The following IFT122 variants were observed in gnomAD, a reference collection of about 807,000 sequenced individuals.
IFT122 encodes intraflagellar transport 122, also known as intraflagellar transport protein 122 homolog.
In IFT122, 118 loss-of-function variants were observed where a neutral mutation model predicts 161.6. The observed-to-expected ratio is 0.73, with a 90% CI of 0.63 to 0.85. The LOEUF (loss-of-function observed/expected upper bound fraction) is 0.85. Among genes scored for constraint, IFT122 ranks in the 40% least tolerant of loss-of-function variants. The probability of loss-of-function intolerance (pLI) is 0.00; values close to 1 mark genes in which losing one functional copy is unlikely to be tolerated. For missense variants in IFT122, 1,381 were observed against 1,579.6 expected, an observed-to-expected ratio of 0.87 and a Z score of 2.13; for synonymous variants, 550 against 602.4, an observed-to-expected ratio of 0.91 and a Z score of 1.27.
intron 2 of IFT122, 40 bp downstream of exon 2, chr3:129,449,977 A>C (rs1458956045): frequency 7.5e-7 from 1 of 1,326,278 alleles, no homozygotes; most frequent in Admixed American, 1.7e-5. Context: ...GTGCTTCCCT[A>C]ACCTCCCTCT....
At chr3:129,478,335 C>G (rs1179268929) in intron 12 of IFT122, 117 bp downstream of exon 12, 1 of 826,574 alleles carries the variant, frequency 1.2e-6, no homozygotes. Context: ...TCTGTTCCAT[C>G]AAACTAAGTG....
At chr3:129,481,806 G>T in intron 14 of IFT122, 112 bp downstream of exon 14, 1 of 1,153,902 alleles carries the variant, frequency 8.7e-7, no homozygotes, top group South Asian at 1.3e-5. Flanking sequence ...GTCTCTGGGA[G>T]GGGCAGGGGC....
chr3:129,477,183 C>A (rs914094866), intron 11 of IFT122, among the ~76,000 whole-genome samples: 3 of 152,136 alleles, frequency 2.0e-5, no homozygotes, highest in African/African-American at 7.2e-5. Context: ...TGGGGTGCTT[C>A]TCCCTCAGCC....
chr3:129,457,067 G>T (rs561441986), intron 3 of IFT122, among the ~76,000 whole-genome samples: 1 of 152,296 alleles, frequency 6.6e-6, no homozygotes, highest in African/African-American at 2.4e-5. Context: ...TGTGAATAAA[G>T]TCTAAAAGTC....
chr3:129,518,843 C>T (rs1292734996), intron 27 of IFT122, among the ~76,000 whole-genome samples: 5 of 152,226 alleles, frequency 3.3e-5, no homozygotes. Context: ...TGCCTACCCG[C>T]AGTGGCTCAC....
chr3:129,465,453 T>G (rs541238527), intron 7 of IFT122, among the ~76,000 whole-genome samples: 2 of 149,680 alleles, frequency 1.3e-5, no homozygotes, highest in East Asian at 3.9e-4. Context: ...GAGAGTAAAC[T>G]AATTATATGC....
At chr3:129,453,705 G>A (rs2075124929) in intron 3 of IFT122, among the ~76,000 whole-genome samples, 1 of 152,226 alleles carries the variant, frequency 6.6e-6, no homozygotes, top group Admixed American at 6.5e-5. Flanking sequence ...CAGCAATGGA[G>A]AAGTAGTAGG....
At chr3:129,511,414 A>G (rs879388242) in intron 23 of IFT122, among the ~76,000 whole-genome samples, 2 of 152,186 alleles carry the variant, frequency 1.3e-5, no homozygotes, top group Non-Finnish European at 2.9e-5. Flanking sequence ...GTTCAGACCA[A>G]TTAGGGGTTA....
chr3:129,517,403 A>C (rs1578225360), intron 26 of IFT122, 66 bp from the exon 27 acceptor site: 1 of 1,601,412 alleles, frequency 6.2e-7, no homozygotes, highest in Non-Finnish European at 8.5e-7. Context: ...TGGTCACCCC[A>C]CCTGCCTGGC....
chr3:129,502,717 C>A lies in IFT122; in HGVS notation c.2382C>A (p.Ile794=). ...CGDHGWVDML[I]DIARKLDKAE... is the part of the protein sequence containing the mutation. ...CTGCCCCTTCCCTCTCCAGGTTGAT[C>A]GACATCGCCCGCAAACTGGACAAGG... Residue 794 remains isoleucine (I), a synonymous_variant, in exon 20 of 30, where the codon ATC becomes ATA. Coordinates refer to ENST00000348417, the MANE Select transcript of IFT122 (RefSeq NM_052989.3). 6.2e-7 allele frequency: 1 copy of A among 1,607,036 alleles called. No homozygotes were observed. Among genetic ancestry groups the A allele is most frequent in the Non-Finnish European group, 8.5e-7 (1 of 1,179,984 alleles).
intron 18 of IFT122, among the ~76,000 whole-genome samples, chr3:129,499,235 A>G (rs565019473): frequency 4.6e-5 from 7 of 152,218 alleles, no homozygotes; most frequent in Non-Finnish European, 8.8e-5. Flanking sequence ...AACCAGAGAG[A>G]TGTTTGCTTG....
At chr3:129,514,259 C>T (rs1339058314) in intron 24 of IFT122, 130 bp from the exon 25 acceptor site, 2 of 988,576 alleles carry the variant, frequency 2.0e-6, no homozygotes, top group Non-Finnish European at 1.6e-6. Context: ...GAGCCTTCCT[C>T]ACGGTCTTTC....
chr3:129,497,901 C>T (rs1264638698), intron 18 of IFT122, among the ~76,000 whole-genome samples: 9 of 152,146 alleles, frequency 5.9e-5, no homozygotes, highest in East Asian at 1.9e-4. Flanking sequence ...TACATTCCCA[C>T]GTACAAATAA....
rs573382215 is a variant in IFT122 at position 129,520,215 on chromosome 3, C to T, written c.3676C>T (p.His1226Tyr). The change falls in exon 30 of 30, where the codon CAT becomes TAT. Residue 1226 changes from histidine to tyrosine, a missense_variant. Physicochemically the swap from His to Tyr is moderately conservative, Grantham distance 83. Transcript: ENST00000348417. The stretch of plus-strand genomic sequence containing the variant: ...GGACTATGAGTTGCTGGTGCTTCAG[C>T]ATGGCTGCTGCCCCTACTGCCGCAG... The part of the protein sequence containing the change: ...SEDYELLVLQ[H>Y]GCCPYCRRCK... 2.1e-5 allele frequency: 34 copies of T among 1,612,168 alleles called. No homozygotes were observed. Among genetic ancestry groups the T allele is most frequent in the Non-Finnish European group, 2.8e-5 (33 of 1,179,982 alleles).
chr3:129,517,546 G>A lies in IFT122; in HGVS notation c.3343G>A (p.Val1115Met), dbSNP rs557159295. 1.2e-6 allele frequency: 2 copies of A among 1,614,058 alleles called. No homozygotes were observed. The highest frequency in any genetic ancestry group is 2.2e-5 in the East Asian group (1 of 44,848). The change falls in exon 27 of 30, where the codon GTG (valine) becomes ATG (methionine). Residue 1115 changes from valine (V) to methionine (M), a missense_variant. Val to Met is a conservative substitution (Grantham distance 21). Around this residue, in one of 7 missense-constraint regions of IFT122, gnomAD observed 177 missense variants for 199.2 expected, o/e 0.89. Transcript: ENST00000348417. ...EEAISLIDLE[V>M]LRPKRDDRQL... ...AGCCATCTCCCTCATCGACCTGGAG[G>A]TGCTGAGACCCAAGCGGGATGACAG...
At chr3:129,507,589 T>G in intron 22 of IFT122, 79 bp from the exon 23 acceptor site, 1 of 1,062,766 alleles carries the variant, frequency 9.4e-7, no homozygotes, top group African/African-American at 1.6e-5. Context: ...TACTGTTGCC[T>G]GGCCCCTCCT....
chr3:129,485,976 A>G (rs2079228376), intron 15 of IFT122, among the ~76,000 whole-genome samples: 1 of 152,208 alleles, frequency 6.6e-6, no homozygotes, highest in East Asian at 1.9e-4. Context: ...CGAAATTTAC[A>G]TTGTCTTGTG....
chr3:129,455,511 G>C (rs138296643), intron 3 of IFT122, among the ~76,000 whole-genome samples: 3 of 152,166 alleles, frequency 2.0e-5, no homozygotes, highest in African/African-American at 7.2e-5. Flanking sequence ...TGATATAAAA[G>C]TATGTAAGAC....
chr3:129,457,732 GTTTTTTT>G (rs971386664), intron 3 of IFT122, among the ~76,000 whole-genome samples: 43 of 119,624 alleles, frequency 3.6e-4, no homozygotes, highest in Non-Finnish European at 7.1e-4. Context: ...CACAGGAATA[GTTTTTTT>G]TTTTTTTTTT....
Sources: gnomAD v4.1 joint callset for allele counts (sites outside exome capture counted in the v4.1 genomes callset) on GRCh38, gnomAD v4.1.1 for gene constraint, gnomAD v4.1.1 regional missense constraint, MANE v1.5 for transcripts, NCBI Gene and HGNC (gene_info 2026-07-23, HGNC 2026-07-21) for gene names.